SYNPR: variants seen among roughly 807,000 people sequenced by gnomAD.
SYNPR encodes the protein synaptoporin.
A neutral mutation model predicts 32.9 loss-of-function variants in SYNPR; 23 were observed. The observed-to-expected ratio is 0.70, with a 90% CI of 0.50 to 0.99. The LOEUF is 0.99. SYNPR is among the 50% of genes least tolerant of loss of function. The pLI is 0.00. For missense variants in SYNPR, 318 were observed against 349.3 expected, an observed-to-expected ratio of 0.91 and a Z score of 0.71; for synonymous variants, 146 against 135.9, an observed-to-expected ratio of 1.07 and a Z score of -0.52.
At chr3:63,516,356 G>C (rs1318355935) in intron 3 of SYNPR, among the ~76,000 whole-genome samples, 2 of 152,084 alleles carry the variant, frequency 1.3e-5, no homozygotes, top group Admixed American at 1.3e-4. Context: ...AGGTTCTATA[G>C]AATACTCAGG....
chr3:63,336,246 C>G (rs1206609054), intron 2 of SYNPR, among the ~76,000 whole-genome samples: 4 of 151,718 alleles, frequency 2.6e-5, no homozygotes, highest in Admixed American at 1.3e-4. Flanking sequence ...CTATGAATTT[C>G]TGCTTGAAGA....
chr3:63,404,537 C>T (rs889667099), intron 2 of SYNPR, among the ~76,000 whole-genome samples: 22 of 152,054 alleles, frequency 1.4e-4, no homozygotes, highest in African/African-American at 5.3e-4. Flanking sequence ...TTCTGATTTT[C>T]CTTAGAACTG....
At position 63,239,461 on chromosome 3, in the gene SYNPR, A is replaced by G. The variant is rs1433597319; in HGVS notation, n.66+11081A>G. ...TGTACACACACCTTACCATGAGTGC[A>G]TGGTAGAATGGGCACATGACACACC... On this transcript the variant is annotated intron_variant and non_coding_transcript_variant, in intron 1 of 4. Transcript: ENST00000478456. Among the ~76,000 whole-genome samples, 2 of 149,640 alleles carry G rather than the reference A, an allele frequency of 1.3e-5. 1 individual carries two copies. Among genetic ancestry groups the G allele is most frequent in the Non-Finnish European group, 3.0e-5 (2 of 67,488 alleles).
At chr3:63,484,364 AT>A (rs1339539477) in intron 3 of SYNPR, among the ~76,000 whole-genome samples, 1 of 152,124 alleles carries the variant, frequency 6.6e-6, no homozygotes, top group Non-Finnish European at 1.5e-5. Flanking sequence ...TAGATTCCAT[AT>A]TTTTGGTACT....
intron 2 of SYNPR, among the ~76,000 whole-genome samples, chr3:63,350,766 GAGAC>G (rs1389443766): frequency 6.6e-6 from 1 of 152,184 alleles, no homozygotes; most frequent in Non-Finnish European, 1.5e-5. Context: ...ATGTGCAGGG[GAGAC>G]AGACAAACAT....
chr3:63,346,094 T>C (rs2087433551), intron 2 of SYNPR, among the ~76,000 whole-genome samples: 1 of 152,164 alleles, frequency 6.6e-6, no homozygotes, highest in Non-Finnish European at 1.5e-5. Context: ...GGATTACAGG[T>C]GTGAGCCACC....
intron 1 of SYNPR, among the ~76,000 whole-genome samples, chr3:63,247,178 C>T (rs1430670301): frequency 6.6e-6 from 1 of 151,978 alleles, no homozygotes; most frequent in Non-Finnish European, 1.5e-5. Flanking sequence ...TTTTCTGCAA[C>T]ATTTAGACAT....
At chr3:63,570,665 C>T (rs987674338) in intron 4 of SYNPR, among the ~76,000 whole-genome samples, 4 of 152,086 alleles carry the variant, frequency 2.6e-5, no homozygotes, top group Non-Finnish European at 5.9e-5. Flanking sequence ...TGTCCTTATC[C>T]CCAAAGATAT....
At chr3:63,422,186 C>T (rs1699811681) in intron 2 of SYNPR, among the ~76,000 whole-genome samples, 1 of 152,064 alleles carries the variant, frequency 6.6e-6, no homozygotes, top group African/African-American at 2.4e-5. Context: ...TTTACCACAC[C>T]CAGGATCAGA....
At chr3:63,597,047 TG>T (rs1402144697) in intron 4 of SYNPR, among the ~76,000 whole-genome samples, 1 of 152,144 alleles carries the variant, frequency 6.6e-6, no homozygotes, top group African/African-American at 2.4e-5. Flanking sequence ...TTTGATGTAT[TG>T]GGGTTTGTTG....
chr3:63,477,248 G>C lies in SYNPR; in HGVS notation c.85-3584G>C, dbSNP rs79658088. On this transcript the variant is annotated intron_variant, in intron 2 of 5. Transcript: ENST00000478300. ...CAGTCCCCTCTCCTCACTGTGTCTT[G>C]ATGTATTCCAATTACGGGACCAGGC... 3.3e-5 allele frequency among the ~76,000 whole-genome samples: 5 copies of C among 152,244 alleles called. No homozygotes were observed. The East Asian group carries it at 5.8e-4, about 18-fold the overall frequency.
intron 3 of SYNPR, among the ~76,000 whole-genome samples, chr3:63,511,281 T>C (rs1701695622): frequency 6.6e-6 from 1 of 152,084 alleles, no homozygotes; most frequent in South Asian, 2.1e-4. Context: ...AGTTTCTCTG[T>C]TTAACATTCC....
At chr3:63,597,409 G>T (rs1699977677) in intron 4 of SYNPR, among the ~76,000 whole-genome samples, 1 of 152,156 alleles carries the variant, frequency 6.6e-6, no homozygotes, top group Non-Finnish European at 1.5e-5. Flanking sequence ...TTACTTGAAG[G>T]ATCTGAGCCT....
At chr3:63,560,802 G>C (rs370403840) in intron 4 of SYNPR, among the ~76,000 whole-genome samples, 236 of 152,180 alleles carry the variant, frequency 1.6e-3, no homozygotes, top group African/African-American at 5.5e-3. Context: ...GAGAACAGCA[G>C]GGGGGGAACC....
intron 2 of SYNPR, among the ~76,000 whole-genome samples, chr3:63,417,623 G>C (rs753679557): frequency 1.3e-5 from 2 of 152,216 alleles, no homozygotes; most frequent in Non-Finnish European, 2.9e-5. Flanking sequence ...GGACATCCAG[G>C]CATTTCCATA....
intron 3 of SYNPR, among the ~76,000 whole-genome samples, chr3:63,519,653 C>T (rs1701868671): frequency 2.0e-5 from 3 of 152,328 alleles, no homozygotes; most frequent in African/African-American, 7.2e-5. Context: ...TTCCCAACTG[C>T]ATCATAGCGG....
intron 2 of SYNPR, among the ~76,000 whole-genome samples, chr3:63,322,711 G>C (rs1170660573): frequency 6.6e-6 from 1 of 152,046 alleles, no homozygotes; most frequent in East Asian, 1.9e-4. Flanking sequence ...CGACCTTCCA[G>C]TTTTGGAGCT....
intron 3 of SYNPR, among the ~76,000 whole-genome samples, chr3:63,268,388 G>C (rs2086508849): frequency 6.6e-6 from 1 of 152,072 alleles, no homozygotes; most frequent in South Asian, 2.1e-4. Flanking sequence ...TAGGAGTATT[G>C]ACCCCCCACC....
chr3:63,385,781 C>A (rs1424907172), intron 2 of SYNPR, among the ~76,000 whole-genome samples: 1 of 152,178 alleles, frequency 6.6e-6, no homozygotes. Context: ...TGAGGAAACA[C>A]GTACAGTATG....
Sources: gnomAD v4.1 joint callset for allele counts (sites outside exome capture counted in the v4.1 genomes callset) on GRCh38, gnomAD v4.1.1 for gene constraint, MANE v1.5 for transcripts, NCBI Gene and HGNC (gene_info 2026-07-23, HGNC 2026-07-21) for gene names.